The following PLCB3 variants were observed in gnomAD, a reference collection of about 807,000 sequenced individuals.
The protein encoded by PLCB3 is phospholipase C beta 3, also known as 1-phosphatidylinositol 4,5-bisphosphate phosphodiesterase beta-3.
A neutral mutation model predicts 152.1 loss-of-function variants in PLCB3; 54 were observed. The observed-to-expected ratio is 0.36, with a 90% CI of 0.29 to 0.45. The LOEUF (loss-of-function observed/expected upper bound fraction) is 0.45. Ranked by LOEUF, PLCB3 falls within the 20% of genes least tolerant of loss-of-function variation. The pLI, the probability that PLCB3 is intolerant of heterozygous loss-of-function variation, is 1.00. For missense variants in PLCB3, 1,248 were observed against 1,687.5 expected (o/e 0.74, Z 4.56); for synonymous variants, 717 against 698.7 (o/e 1.03, Z -0.41).
Position 64,263,784 on chromosome 11 carries a change from A to C in PLCB3, c.2549A>C (p.Asp850Ala). 6.2e-7 allele frequency: 1 copy of C among 1,612,522 alleles called. No homozygotes were observed. The highest frequency in any genetic ancestry group is 8.5e-7 in the Non-Finnish European group (1 of 1,179,498). Residue 850 changes from aspartate to alanine, a missense_variant, in exon 21 of 31, where the codon GAC becomes GCC. By Grantham distance (126) the Asp-to-Ala change is moderately radical. Transcript: ENST00000279230. ...ACCGAAGCCTCGGACTACATTCCTG[A>C]CGACCACCAGGGTGAGCTGGGGGTG... ...IYTEASDYIP[D>A]DHQDYAEALI...
chr11:64,264,798 C>T (rs1723224149), intron 22 of PLCB3, among the ~76,000 whole-genome samples, 153 bp from the exon 23 acceptor site: 1 of 152,158 alleles, frequency 6.6e-6, no homozygotes. Flanking sequence ...TAGCTCTTCT[C>T]ATGCAGACAG....
chr11:64,262,265 C>G (rs2031889935), intron 17 of PLCB3, 142 bp from the exon 18 acceptor site: 1 of 1,288,100 alleles, frequency 7.8e-7, no homozygotes, highest in Admixed American at 1.8e-5. Flanking sequence ...TCTGATCTGT[C>G]CTGGATCCGG....
intron 21 of PLCB3, 94 bp from the exon 22 acceptor site, chr11:64,263,927 C>A: frequency 8.3e-7 from 1 of 1,204,524 alleles, no homozygotes; most frequent in South Asian, 1.3e-5. Context: ...GATCTGAGGA[C>A]AAGCTCTGGA....
chr11:64,258,463 G>A lies in PLCB3; in HGVS notation c.1013-10G>A, dbSNP rs754118757. 10 of 1,610,110 alleles carry A rather than the reference G, an allele frequency of 6.2e-6. No individual in the cohort carries two copies. Among genetic ancestry groups the A allele is most frequent in the South Asian group, 4.4e-5 (4 of 91,006 alleles). On this transcript the variant is annotated splice_polypyrimidine_tract_variant and intron_variant, in intron 10 of 30. Coordinates refer to ENST00000279230, the MANE Select transcript of PLCB3 (RefSeq NM_000932.5). This position sits in a 1 kb window ranked among gnomAD's most constrained non-coding sequence, Gnocchi z 7.2. ...TGGGCGGCCTCGGTGACAGAGCCTC[G>A]CCGCCCCAGCGGGGCAGCTGGCTGG...
At position 64,254,557 on chromosome 11, in the gene PLCB3, C is replaced by T. The variant is rs549084239; in HGVS notation, c.177+65C>T. 9.8e-6 allele frequency: 15 copies of T among 1,524,850 alleles called. No homozygotes were observed. In the African/African-American group the frequency reaches 2.0e-4, roughly 21 times the overall value. The allele number at this position is 1,524,850 out of a possible 1,614,324, so 94.5% of individuals were successfully genotyped here. ...CCCCTGTCCCAGACCCCTGCCCTGC[C>T]CGTGGGGGTGGGGCCCGGCTGCAGG... is the stretch of plus-strand genomic sequence containing the variant. On this transcript the variant is annotated intron_variant, in intron 2 of 30. Transcript: ENST00000279230.
chr11:64,257,399 G>A (rs2031597616), intron 10 of PLCB3, among the ~76,000 whole-genome samples: 1 of 152,126 alleles, frequency 6.6e-6, no homozygotes, highest in Non-Finnish European at 1.5e-5. Context: ...CAGATTACTT[G>A]AGCCCACGTT....
At chr11:64,264,746 C>T (rs1374480292) in intron 22 of PLCB3, among the ~76,000 whole-genome samples, 1 of 152,118 alleles carries the variant, frequency 6.6e-6, no homozygotes, top group Non-Finnish European at 1.5e-5. Context: ...GTTATCTTCC[C>T]CACAGCCCAT....
chr11:64,254,511 G>A lies in PLCB3; in HGVS notation c.177+19G>A. The A allele has an allele frequency of 1.2e-6, 2 of 1,610,642 alleles. No homozygotes were observed. The highest frequency in any genetic ancestry group is 1.3e-5 in the African/African-American group (1 of 75,024). ...CAACATGGTGAGGGTGGGCGCTGGTGCAGCTCGCTCAGGCCAAGGACCCCT... is the reference window on the plus strand; with the variant it reads ...CAACATGGTGAGGGTGGGCGCTGGTACAGCTCGCTCAGGCCAAGGACCCCT... On this transcript the variant is annotated intron_variant, in intron 2 of 30. Transcript: ENST00000279230.
chr11:64,262,220 C>A, intron 17 of PLCB3, 144 bp downstream of exon 17: 1 of 1,345,948 alleles, frequency 7.4e-7, no homozygotes, highest in Non-Finnish European at 1.0e-6. Context: ...CTCACCCCGC[C>A]TCCTGCCCTT....
chr11:64,267,810 C>G lies in PLCB3; in HGVS notation c.*254C>G. The G allele has an allele frequency of 2.2e-6, 1 of 448,214 alleles. No homozygotes were observed. The highest frequency in any genetic ancestry group is 3.9e-6 in the Non-Finnish European group (1 of 253,228). The allele number at this position is 448,214 out of a possible 1,614,324, so 27.8% of individuals were successfully genotyped here. A position where few individuals can be genotyped will look rare whatever the true frequency, so the allele number is the denominator to read the frequency against. ...CACACCCTCGAGCTAGCAGCGTCTC[C>G]TCCCTTCCCCGGGAGAGCTGGCTGG... On this transcript the variant is annotated 3_prime_UTR_variant, in exon 31 of 31. Coordinates refer to ENST00000279230, the MANE Select transcript of PLCB3 (RefSeq NM_000932.5). This position sits in a 1 kb window ranked among gnomAD's most constrained non-coding sequence, Gnocchi z 5.2.
rs376920661 is a variant in PLCB3, at chr11:64,264,119, C to T, written c.2652+7C>T. 127 of 1,521,470 alleles carry T rather than the reference C, an allele frequency of 8.3e-5. No homozygotes were observed. The highest frequency in any genetic ancestry group is 3.5e-4 in the Middle Eastern group (2 of 5,638). The allele number at this position is 1,521,470 out of a possible 1,614,324, so 94.2% of individuals were successfully genotyped here. The stretch of plus-strand genomic sequence containing the variant: ...CCTCATTGGGGAGAGTGAGGTGAGC[C>T]GGGGCAGGGCAGGGCTCAGGCTCAC... On this transcript the variant is annotated splice_region_variant and intron_variant, in intron 22 of 30. Transcript: ENST00000279230.
Position 64,258,334 on chromosome 11 carries a change from G to A in PLCB3, c.1013-139G>A. 1 of 925,890 alleles carries A rather than the reference G, an allele frequency of 1.1e-6. No homozygotes were observed. The highest frequency in any genetic ancestry group is 1.6e-6 in the Non-Finnish European group (1 of 628,206). 57.4% of individuals were successfully genotyped at this position (925,890 alleles called of 1,614,324 possible). On this transcript the variant is annotated intron_variant, in intron 10 of 30. Coordinates refer to ENST00000279230, the MANE Select transcript of PLCB3 (RefSeq NM_000932.5). The surrounding 1 kb of genome is among the most constrained non-coding windows in gnomAD (Gnocchi z 7.2). Reference sequence around the variant, plus strand: ...ATGACTCCCCCCAGCTCACGCTGGTGGGATGGACAGGTGGTGGGTATCCAT... The same window carrying A: ...ATGACTCCCCCCAGCTCACGCTGGTAGGATGGACAGGTGGTGGGTATCCAT...
rs751637404 is a variant in PLCB3 at position 64,262,484 on chromosome 11, C to T, written c.2116C>T (p.Arg706Trp). 47 of 1,613,970 alleles carry T rather than the reference C, an allele frequency of 2.9e-5. No homozygotes were observed. Among genetic ancestry groups the T allele is most frequent in the Non-Finnish European group, 3.6e-5 (43 of 1,180,008 alleles). Residue 706 changes from arginine (R) to tryptophan (W), a missense_variant, in exon 18 of 31, where the codon CGG (arginine) becomes TGG (tryptophan). Arg to Trp is a moderately radical substitution (Grantham distance 101). Coordinates refer to ENST00000279230, the MANE Select transcript of PLCB3 (RefSeq NM_000932.5). ...SGYLLKPEFM[R>W]RPDKSFDPFT... ...GTACCTGCTCAAGCCGGAGTTCATG[C>T]GGCGGCCGGACAAGTCCTTCGACCC... is the stretch of plus-strand genomic sequence containing the variant.
In PLCB3 at chr11:64,260,243, C is replaced by T. The variant is rs1268512870; in HGVS notation, c.1731+9C>T. 4.5e-6 allele frequency: 7 copies of T among 1,549,666 alleles called. No individual in the cohort carries two copies. Among genetic ancestry groups the T allele is most frequent in the Non-Finnish European group, 6.1e-6 (7 of 1,146,478 alleles). On this transcript the variant is annotated intron_variant, in intron 14 of 30. Transcript: ENST00000279230. ...AGCCAACTACAGATGAGGTCAGGCC[C>T]ACAGGGTGGGCAGGTCGGGGAGGTA...
Position 64,255,186 on chromosome 11 carries a change from C to T in PLCB3, c.388-48C>T, listed in dbSNP as rs751610330. 10 of 1,539,076 alleles carry T rather than the reference C, an allele frequency of 6.5e-6. No homozygotes were observed. The highest frequency in any genetic ancestry group is 3.4e-5 in the South Asian group (3 of 89,260). On this transcript the variant is annotated intron_variant, in intron 4 of 30. Coordinates refer to ENST00000279230, the MANE Select transcript of PLCB3 (RefSeq NM_000932.5). The surrounding 1 kb of genome is among the most constrained non-coding windows in gnomAD (Gnocchi z 6.8). ...GTGGACCTGGGTTGTGGCTGGGCAG[C>T]CCCTGTGTCCCCCACTCACCGCCTC...
intron 18 of PLCB3, 31 bp downstream of exon 18, chr11:64,262,592 T>C (rs1591111568): frequency 2.5e-6 from 4 of 1,612,102 alleles, no homozygotes; most frequent in East Asian, 4.5e-5. Flanking sequence ...AGGCCAGGGG[T>C]GTCCTGGGGG....
downstream of PLCB3, chr11:64,268,835 C>T (rs2032276073): frequency 6.6e-6 from 1 of 152,316 alleles, no homozygotes; most frequent in Admixed American, 6.5e-5. Context: ...TGAGTATCTT[C>T]TTTGCTTTGT....
At chr11:64,259,337 C>T (rs1018679582) in intron 13 of PLCB3, 93 bp downstream of exon 13, 36 of 1,061,696 alleles carry the variant, frequency 3.4e-5, no homozygotes, top group South Asian at 6.6e-5. Context: ...ACCCCCAGCC[C>T]ACCCTCCTGC....
Position 64,255,177 on chromosome 11 carries a change from G to C in PLCB3, c.388-57G>C. On this transcript the variant is annotated intron_variant, in intron 4 of 30. Transcript: ENST00000279230. The surrounding 1 kb of genome is among the most constrained non-coding windows in gnomAD (Gnocchi z 6.8). The stretch of plus-strand genomic sequence containing the variant: ...GAGGCAGTTGTGGACCTGGGTTGTG[G>C]CTGGGCAGCCCCTGTGTCCCCCACT... The C allele has an allele frequency of 1.3e-6, 2 of 1,538,208 alleles. No individual in the cohort carries two copies. Among genetic ancestry groups the C allele is most frequent in the South Asian group, 1.1e-5 (1 of 89,358 alleles).
Sources: gnomAD v4.1 joint callset for allele counts (sites outside exome capture counted in the v4.1 genomes callset) on GRCh38, gnomAD v4.1.1 for gene constraint, Gnocchi (gnomAD v3.1) non-coding constraint, MANE v1.5 for transcripts, NCBI Gene and HGNC (gene_info 2026-07-23, HGNC 2026-07-21) for gene names.